The following TMEM67 variants were observed in gnomAD, a reference collection of about 807,000 sequenced individuals.
TMEM67 encodes meckelin.
In TMEM67, 124 loss-of-function variants were observed where a neutral mutation model predicts 136.6. That is an observed-to-expected ratio of 0.91 (90% CI 0.78 to 1.05). TMEM67 has a LOEUF of 1.05. Among genes scored for constraint, TMEM67 ranks in the 50% least tolerant of loss-of-function variants. The pLI is 0.00. For synonymous variants in TMEM67, 364 were observed against 390.5 expected (o/e 0.93, Z 0.80); for missense variants, 1,107 against 1,178.4 (o/e 0.94, Z 0.89).
At chr8:93,812,310 T>C (rs1458416642) in intron 26 of TMEM67, among the ~76,000 whole-genome samples, 1 of 151,962 alleles carries the variant, frequency 6.6e-6, no homozygotes, top group Non-Finnish European at 1.5e-5. Flanking sequence ...AACAGCATAA[T>C]TTAGACATTA....
intron 11 of TMEM67, among the ~76,000 whole-genome samples, chr8:93,783,840 A>G (rs1813969093): frequency 6.6e-6 from 1 of 152,220 alleles, no homozygotes; most frequent in South Asian, 2.1e-4. Context: ...CTCACTCACT[A>G]TCATGAGAAC....
At chr8:93,795,852 CA>C (rs753903313) in intron 17 of TMEM67, 48 bp from the exon 18 acceptor site, 37 of 1,374,526 alleles carry the variant, frequency 2.7e-5, no homozygotes, top group East Asian at 4.6e-5. Context: ...AACAAACAAA[CA>C]AAAAAAACTG....
intron 22 of TMEM67, among the ~76,000 whole-genome samples, chr8:93,804,320 T>TTTA (rs1815012494): frequency 1.5e-5 from 2 of 134,872 alleles, no homozygotes; most frequent in Admixed American, 7.3e-5. Context: ...CTTTTTTTTT[T>TTTA]TTTTTTTTTT....
Position 93,780,183 on chromosome 8 carries a change from G to A in TMEM67, c.715-410G>A, listed in dbSNP as rs538404812. ...AGGCGTGGGACCCACCGAGCCAGGC[G>A]TGGGATGTAATCTGGTGTGCCGTTT... On this transcript the variant is annotated intron_variant, in intron 7 of 27. Transcript: ENST00000453321. Among the ~76,000 whole-genome samples the A allele has an allele frequency of 8.5e-5, 13 of 152,120 alleles. No homozygotes were observed. The East Asian group carries it at 1.9e-3, about 23-fold the overall frequency.
intron 3 of TMEM67, among the ~76,000 whole-genome samples, chr8:93,760,230 G>A (rs551740866): frequency 1.3e-5 from 2 of 152,272 alleles, no homozygotes; most frequent in African/African-American, 4.8e-5. Flanking sequence ...GGAAGGGAAA[G>A]AAGGAACTAC....
the TMEM67 span, among the ~76,000 whole-genome samples, chr8:93,831,733 G>A: frequency 2.6e-5 from 4 of 152,058 alleles, no homozygotes; most frequent in East Asian, 1.9e-4. Flanking sequence ...TGTGGTGGAC[G>A]TCACAGCAGA....
At chr8:93,795,529 C>T in intron 17 of TMEM67, 22 bp downstream of exon 17, 1 of 1,550,116 alleles carries the variant, frequency 6.5e-7, no homozygotes, top group Non-Finnish European at 8.9e-7. Flanking sequence ...TCTGAATTTT[C>T]CCCAACTGCC....
chr8:93,797,988 A>C (rs958641200), intron 20 of TMEM67, among the ~76,000 whole-genome samples: 1 of 152,238 alleles, frequency 6.6e-6, no homozygotes, highest in African/African-American at 2.4e-5. Context: ...ATCTCAGAAA[A>C]AAACAAACAA....
In TMEM67 at chr8:93,787,870, A is replaced by G. The variant is rs1010191646; in HGVS notation, c.1439A>G (p.Asn480Ser). The stretch of plus-strand genomic sequence containing the variant: ...GTCCACCTTGTACCCAACACAATAA[A>G]TGGAAACATCTACCCTCCCTTAATC... ...LSVHLVPNTI[N>S]GNIYPPLITI... Residue 480 changes from asparagine (N) to serine (S), a missense_variant, in exon 14 of 28, where the codon AAT (asparagine) becomes AGT (serine). Coordinates refer to ENST00000453321, the MANE Select transcript of TMEM67 (RefSeq NM_153704.6). 3.1e-6 allele frequency: 5 copies of G among 1,613,874 alleles called. No homozygotes were observed. The highest frequency in any genetic ancestry group is 2.7e-5 in the African/African-American group (2 of 74,932).
Position 93,754,979 on chromosome 8 carries a change from T to G in TMEM67, c.65T>G (p.Val22Gly), listed in dbSNP as rs773956646. ...TGGTCCCTCTTATCCGCCCGGGCCG[T>G]GACCGCGTTCCTTCTGTTGTTCCTC... ...AVWSLLSARA[V>G]TAFLLLFLPR... Residue 22 changes from valine (V) to glycine (G), a missense_variant, in exon 1 of 28, where the codon GTG (valine) becomes GGG (glycine). By Grantham distance (109) the Val-to-Gly change is moderately radical (BLOSUM62 -3). This residue lies in a region of TMEM67 where 178 missense variants were observed against 159.2 expected (regional missense o/e 1.12). Transcript: ENST00000453321. The G allele has an allele frequency of 1.2e-6, 2 of 1,614,206 alleles. No homozygotes were observed.
intron 16 of TMEM67, among the ~76,000 whole-genome samples, chr8:93,794,530 G>T (rs545534686): frequency 2.1e-3 from 314 of 152,218 alleles, no homozygotes; most frequent in African/African-American, 7.3e-3. Flanking sequence ...CTTGATTTTT[G>T]CAACTCAGTA....
chr8:93,822,406 G>A (rs756671826), downstream of TMEM67, among the ~76,000 whole-genome samples: 13 of 152,190 alleles, frequency 8.5e-5, no homozygotes, highest in African/African-American at 1.9e-4. Context: ...GAGGGGATTC[G>A]CGTTAATCTG....
Position 93,817,761 on chromosome 8 carries a change from G to A in TMEM67, c.*1309G>A, listed in dbSNP as rs1159569116. On this transcript the variant is annotated 3_prime_UTR_variant, in exon 28 of 28. Coordinates refer to ENST00000453321, the MANE Select transcript of TMEM67 (RefSeq NM_153704.6). ...AGAGGTCCCAGCCATTGCCAAAGTT[G>A]AATCTTTTACATTTCCCTGAATCTT... The A allele has an allele frequency of 2.6e-5, 4 of 152,146 alleles. No homozygotes were observed. Among genetic ancestry groups the A allele is most frequent in the Admixed American group, 6.6e-5 (1 of 15,264 alleles). 9.4% of individuals were successfully genotyped at this position (152,146 alleles called of 1,614,324 possible). A position where few individuals can be genotyped will look rare whatever the true frequency, so the allele number is the denominator to read the frequency against.
At chr8:93,768,840 A>G (rs906546297) in intron 6 of TMEM67, among the ~76,000 whole-genome samples, 2 of 152,046 alleles carry the variant, frequency 1.3e-5, no homozygotes, top group African/African-American at 4.8e-5. Context: ...AGCACCATGC[A>G]GTTGACCCAT....
downstream of TMEM67, among the ~76,000 whole-genome samples, chr8:93,818,261 T>C (rs902380435): frequency 6.6e-6 from 1 of 152,234 alleles, no homozygotes; most frequent in African/African-American, 2.4e-5. Flanking sequence ...CTGATTTTAC[T>C]GATTTTCTAG....
downstream of TMEM67, among the ~76,000 whole-genome samples, chr8:93,820,332 G>C (rs146080885): frequency 4.1e-3 from 622 of 152,270 alleles, 6 homozygotes; most frequent in African/African-American, 0.014. Context: ...GGGCAATGAG[G>C]TTGGAAAGGA....
At chr8:93,819,848 G>A (rs953419910), downstream of TMEM67, among the ~76,000 whole-genome samples, 1 of 152,080 alleles carries the variant, frequency 6.6e-6, no homozygotes, top group African/African-American at 2.4e-5. Flanking sequence ...TCCCTTCTGG[G>A]GAGTGATTGT....
chr8:93,793,659 CCTT>C (rs1232697229), intron 16 of TMEM67, among the ~76,000 whole-genome samples: 1 of 152,108 alleles, frequency 6.6e-6, no homozygotes, highest in Non-Finnish European at 1.5e-5. Context: ...TTGGGTTTCT[CCTT>C]CTGTGAACTG....
rs117540054 is a variant in TMEM67, at chr8:93,756,565, A to G, written c.312+699A>G. 38 of 152,308 alleles carry G rather than the reference A, an allele frequency of 2.5e-4. No individual in the cohort carries two copies. The East Asian group carries it at 7.1e-3, about 29-fold the overall frequency. The allele number at this position is 152,308 out of a possible 1,614,324, so 9.4% of individuals were successfully genotyped here. Reference sequence around the variant, plus strand: ...GTGAAGTTATCAATTGTCCCAATTTATAGCTATCTGTATTACTTGTAAGTC... The same window carrying G: ...GTGAAGTTATCAATTGTCCCAATTTGTAGCTATCTGTATTACTTGTAAGTC... On this transcript the variant is annotated intron_variant, in intron 2 of 27. Coordinates refer to ENST00000453321, the MANE Select transcript of TMEM67 (RefSeq NM_153704.6).
Sources: allele counts gnomAD v4.1 joint callset (sites outside exome capture counted in the v4.1 genomes callset), GRCh38; gene constraint gnomAD v4.1.1; regional missense constraint gnomAD v4.1.1; transcripts MANE v1.5; gene names NCBI Gene and HGNC (gene_info 2026-07-23, HGNC 2026-07-21).